The following RYR3 variants were observed in gnomAD, a reference collection of about 807,000 sequenced individuals.
RYR3 encodes ryanodine receptor 3, also known as brain ryanodine receptor-calcium release channel.
RYR3 carries 207 observed loss-of-function variants against 584.3 expected under a neutral mutation model. The ratio of observed to expected loss-of-function variants is 0.35; its 90% CI spans 0.32 to 0.40. RYR3 has a LOEUF of 0.40. Among genes scored for constraint, RYR3 ranks in the 10% least tolerant of loss-of-function variants. RYR3 has a pLI of 1.00. For synonymous variants in RYR3, 2,416 were observed against 2,248.5 expected (o/e 1.07, Z -2.11); for missense variants, 5,616 against 6,089.2 (o/e 0.92, Z 2.59).
At chr15:33,711,111 G>C (rs770835587) in intron 43 of RYR3, among the ~76,000 whole-genome samples, 1 of 152,122 alleles carries the variant, frequency 6.6e-6, no homozygotes, top group Non-Finnish European at 1.5e-5. Context: ...ACATGGCAAG[G>C]CTGCAAATTT....
intron 18 of RYR3, among the ~76,000 whole-genome samples, chr15:33,604,417 G>C (rs2059812430): frequency 6.6e-6 from 1 of 152,146 alleles, no homozygotes; most frequent in African/African-American, 2.4e-5. Flanking sequence ...TTCATTTTCA[G>C]TTGGTCCATA....
At chr15:33,373,564 A>G (rs1261758285) in intron 1 of RYR3, among the ~76,000 whole-genome samples, 2 of 152,236 alleles carry the variant, frequency 1.3e-5, no homozygotes, top group East Asian at 3.8e-4. Context: ...ATATATTTCT[A>G]GGCATTTTTC....
At chr15:33,572,080 C>A (rs938123010) in intron 12 of RYR3, among the ~76,000 whole-genome samples, 2 of 152,106 alleles carry the variant, frequency 1.3e-5, no homozygotes, top group Non-Finnish European at 2.9e-5. Context: ...TTTTTCCATT[C>A]TTTGCCTACT....
intron 1 of RYR3, among the ~76,000 whole-genome samples, chr15:33,347,248 A>T (rs936497427): frequency 6.6e-6 from 1 of 152,174 alleles, no homozygotes; most frequent in Non-Finnish European, 1.5e-5. Context: ...CACCTGTTTA[A>T]GGGCAGAGAA....
intron 98 of RYR3, among the ~76,000 whole-genome samples, 160 bp from the exon 99 acceptor site, chr15:33,857,620 C>T (rs944662297): frequency 6.6e-6 from 1 of 152,158 alleles, no homozygotes; most frequent in African/African-American, 2.4e-5. Flanking sequence ...TCCTCCTCTG[C>T]TCATGGCCTG....
intron 62 of RYR3, among the ~76,000 whole-genome samples, chr15:33,769,835 A>G (rs1020249124): frequency 6.6e-6 from 1 of 151,944 alleles, no homozygotes; most frequent in African/African-American, 2.4e-5. Flanking sequence ...TGTAGTCCCA[A>G]CTACTCGGGT....
intron 85 of RYR3, among the ~76,000 whole-genome samples, chr15:33,830,587 C>A (rs2077618224): frequency 6.6e-6 from 1 of 151,612 alleles, no homozygotes; most frequent in Non-Finnish European, 1.5e-5. Flanking sequence ...CTCTACATGC[C>A]TGTATATGTA....
chr15:33,436,207 A>G (rs1312938735), intron 1 of RYR3, among the ~76,000 whole-genome samples: 4 of 152,148 alleles, frequency 2.6e-5, no homozygotes, highest in Non-Finnish European at 5.9e-5. Flanking sequence ...TCCTTGTGCA[A>G]TATCTTTGCT....
intron 16 of RYR3, among the ~76,000 whole-genome samples, chr15:33,593,126 T>C (rs1045168576): frequency 2.6e-5 from 4 of 152,208 alleles, no homozygotes; most frequent in Non-Finnish European, 4.4e-5. Flanking sequence ...GGCAATCAGA[T>C]ATGCATCTAT....
In RYR3 at chr15:33,421,763, G is replaced by A. The variant is rs62013841; in HGVS notation, c.52-51656G>A. The stretch of plus-strand genomic sequence containing the variant: ...TTATTATTTAGAAGCATTTATTTCC[G>A]ATGACTGGAAAATCCCCTATTTATA... On this transcript the variant is annotated intron_variant, in intron 1 of 103. Transcript: ENST00000634891. Among the ~76,000 whole-genome samples, 398 of 152,218 alleles carry A rather than the reference G, an allele frequency of 2.6e-3. 3 individuals are homozygous for A. The highest frequency in any genetic ancestry group is 0.011 in the Admixed American group (168 of 15,294).
At chr15:33,658,898 G>T (rs2062980097) in intron 32 of RYR3, among the ~76,000 whole-genome samples, 1 of 152,206 alleles carries the variant, frequency 6.6e-6, no homozygotes, top group Admixed American at 6.5e-5. Flanking sequence ...AAAGGGGGTG[G>T]AGAGGATGGA....
intron 1 of RYR3, among the ~76,000 whole-genome samples, chr15:33,364,046 G>C (rs1289337106): frequency 6.6e-6 from 1 of 152,164 alleles, no homozygotes; most frequent in African/African-American, 2.4e-5. Flanking sequence ...GGTGTGCAGT[G>C]AGTGTGAAAG....
At chr15:33,695,175 C>T (rs144092098) in intron 38 of RYR3, among the ~76,000 whole-genome samples, 1 of 152,296 alleles carries the variant, frequency 6.6e-6, no homozygotes, top group Non-Finnish European at 1.5e-5. Context: ...CTGTGATATG[C>T]AGTGCCAGGG....
intron 17 of RYR3, among the ~76,000 whole-genome samples, chr15:33,602,238 G>C (rs2059698474): frequency 6.6e-6 from 1 of 152,246 alleles, no homozygotes; most frequent in African/African-American, 2.4e-5. Context: ...CATGGTGCCA[G>C]CCTGGTTTTT....
At position 33,635,774 on chromosome 15, in the gene RYR3, C is replaced by T. The variant is rs536158607; in HGVS notation, c.3336C>T (p.Val1112=). 24 of 1,613,698 alleles carry T rather than the reference C, an allele frequency of 1.5e-5. No homozygotes were observed. The highest frequency in any genetic ancestry group is 1.7e-4 in the Middle Eastern group (1 of 5,958). ...CGAGGCCAGGCTGTCGACCTGATGT[C>T]GAGCTGGGGGCCGATGACCAAGCCT... is the stretch of plus-strand genomic sequence containing the variant. ...GWARPGCRPD[V]ELGADDQAFV... The change falls in exon 26 of 104, where the codon GTC becomes GTT. Residue 1112 remains valine, a synonymous_variant. Transcript: ENST00000634891.
intron 51 of RYR3, among the ~76,000 whole-genome samples, chr15:33,740,233 A>T (rs1302718710): frequency 6.6e-6 from 1 of 152,208 alleles, no homozygotes; most frequent in Non-Finnish European, 1.5e-5. Flanking sequence ...TACCAGAGAT[A>T]GACGTTCCCA....
chr15:33,714,975 A>G (rs1280483939), intron 43 of RYR3, among the ~76,000 whole-genome samples: 22 of 152,258 alleles, frequency 1.4e-4, no homozygotes, highest in Admixed American at 1.4e-3. Flanking sequence ...TGGCATGCCA[A>G]AATGATGGTG....
At chr15:33,500,227 G>A (rs1044723097) in intron 2 of RYR3, among the ~76,000 whole-genome samples, 88 of 152,290 alleles carry the variant, frequency 5.8e-4, no homozygotes, top group African/African-American at 1.9e-3. Flanking sequence ...ACAGTACAAC[G>A]GAGAGAGGTG....
chr15:33,863,481 C>T (rs1031605001), intron 102 of RYR3, among the ~76,000 whole-genome samples: 2 of 152,066 alleles, frequency 1.3e-5, no homozygotes, highest in African/African-American at 4.8e-5. Context: ...AATCCTTTTC[C>T]GGAAGGGCAA....
Sources: allele counts gnomAD v4.1 joint callset (sites outside exome capture counted in the v4.1 genomes callset), GRCh38; gene constraint gnomAD v4.1.1; transcripts MANE v1.5; gene names NCBI Gene and HGNC (gene_info 2026-07-23, HGNC 2026-07-21).